ELAPOR2: variants seen among roughly 807,000 people sequenced by gnomAD.
ELAPOR2 encodes the protein endosome-lysosome associated apoptosis and autophagy regulator family member 2.
Under a neutral mutation model 120.7 loss-of-function variants are expected in ELAPOR2, and 89 were observed. The ratio of observed to expected loss-of-function variants is 0.74; its 90% CI spans 0.62 to 0.88. The LOEUF (loss-of-function observed/expected upper bound fraction) is 0.88. Ranked by LOEUF, ELAPOR2 falls within the 40% of genes least tolerant of loss-of-function variation. The probability of loss-of-function intolerance (pLI) is 0.00; values close to 1 mark genes in which losing one functional copy is unlikely to be tolerated. For missense variants in ELAPOR2, 1,134 were observed against 1,251.6 expected, an observed-to-expected ratio of 0.91 and a Z score of 1.42; for synonymous variants, 444 against 444.9, an observed-to-expected ratio of 1.00 and a Z score of 0.03.
At chr7:86,998,698 G>A (rs1793207323) in intron 1 of ELAPOR2, among the ~76,000 whole-genome samples, 1 of 152,148 alleles carries the variant, frequency 6.6e-6, no homozygotes, top group Non-Finnish European at 1.5e-5. Context: ...TCCGAGTTGA[G>A]ACCTATTCAA....
chr7:87,049,425 G>A, intron 1 of ELAPOR2, among the ~76,000 whole-genome samples: 1 of 152,082 alleles, frequency 6.6e-6, no homozygotes, highest in East Asian at 1.9e-4. Context: ...GGAACCACAG[G>A]CTCCCGCCAC....
At chr7:86,901,364 C>G (rs1366921403) in intron 18 of ELAPOR2, among the ~76,000 whole-genome samples, 1 of 152,158 alleles carries the variant, frequency 6.6e-6, no homozygotes, top group East Asian at 1.9e-4. Context: ...GGGATACATT[C>G]TCTGAGAGAT....
At chr7:86,887,249 A>C (rs1799735704) in intron 21 of ELAPOR2, among the ~76,000 whole-genome samples, 1 of 152,136 alleles carries the variant, frequency 6.6e-6, no homozygotes, top group South Asian at 2.1e-4. Context: ...TAGACAAGAC[A>C]GACTGTCACA....
At chr7:86,978,895 G>A (rs1767717) in intron 1 of ELAPOR2, among the ~76,000 whole-genome samples, 54,208 of 151,964 alleles carry the variant, frequency 0.36, 10,663 homozygotes, top group African/African-American at 0.52. Context: ...ATATTTTTTT[G>A]TTTGATCCTT....
intron 4 of ELAPOR2, 121 bp from the exon 5 acceptor site, chr7:86,942,225 A>C: frequency 1.8e-6 from 1 of 544,272 alleles, no homozygotes; most frequent in Non-Finnish European, 3.4e-6. Flanking sequence ...GCCATGAGTA[A>C]TTCTCAATAA....
intron 1 of ELAPOR2, among the ~76,000 whole-genome samples, chr7:87,019,190 GT>G (rs1793963063): frequency 6.6e-6 from 1 of 152,094 alleles, no homozygotes; most frequent in Non-Finnish European, 1.5e-5. Flanking sequence ...TTGAGACACG[GT>G]TTTGCCCTGT....
chr7:86,955,192 C>G (rs2116430159), intron 2 of ELAPOR2, among the ~76,000 whole-genome samples: 1 of 152,174 alleles, frequency 6.6e-6, no homozygotes, highest in South Asian at 2.1e-4. Flanking sequence ...TGAACACCAT[C>G]CTTTTAAGCT....
intron 2 of ELAPOR2, among the ~76,000 whole-genome samples, chr7:86,948,674 T>C (rs1249058879): frequency 6.6e-6 from 1 of 151,908 alleles, no homozygotes; most frequent in Non-Finnish European, 1.5e-5. Context: ...TTCTGCAGAC[T>C]CTGAGAACTG....
At chr7:87,036,377 G>A (rs563471067) in intron 1 of ELAPOR2, among the ~76,000 whole-genome samples, 4 of 152,104 alleles carry the variant, frequency 2.6e-5, no homozygotes, top group Admixed American at 6.6e-5. Context: ...CCAACTACTC[G>A]GGAGGCTGAG....
At chr7:86,969,728 A>G (rs1390882438) in intron 1 of ELAPOR2, among the ~76,000 whole-genome samples, 2 of 152,210 alleles carry the variant, frequency 1.3e-5, no homozygotes, top group Admixed American at 6.6e-5. Context: ...AAAATTTCCA[A>G]TAAAATTCCT....
chr7:86,953,625 GTTA>G (rs562738668), intron 2 of ELAPOR2, among the ~76,000 whole-genome samples: 272 of 152,252 alleles, frequency 1.8e-3, no homozygotes, highest in Middle Eastern at 6.8e-3. Context: ...ATGATAGACA[GTTA>G]TTATTAATAG....
At chr7:86,989,798 T>C (rs2116591882) in intron 1 of ELAPOR2, among the ~76,000 whole-genome samples, 1 of 151,896 alleles carries the variant, frequency 6.6e-6, no homozygotes, top group Admixed American at 6.5e-5. Context: ...TTTTTTATTT[T>C]TATATTTTTT....
chr7:86,999,405 C>A (rs1793237684), intron 1 of ELAPOR2, among the ~76,000 whole-genome samples: 1 of 152,118 alleles, frequency 6.6e-6, no homozygotes, highest in Admixed American at 6.6e-5. Context: ...AATACCCCAT[C>A]AGTAATTTTT....
At chr7:86,889,456 A>G in intron 21 of ELAPOR2, among the ~76,000 whole-genome samples, 1 of 151,226 alleles carries the variant, frequency 6.6e-6, no homozygotes, top group Non-Finnish European at 1.5e-5. Flanking sequence ...ATCAAACCCT[A>G]TAATACTGGT....
At chr7:87,019,840 T>C (rs1019903220) in intron 1 of ELAPOR2, among the ~76,000 whole-genome samples, 4 of 152,196 alleles carry the variant, frequency 2.6e-5, no homozygotes, top group African/African-American at 4.8e-5. Flanking sequence ...GGGATATTCA[T>C]TGCACTTAAT....
chr7:86,926,722 A>C lies in ELAPOR2; in HGVS notation c.1270+14T>G, dbSNP rs748714895. On this transcript the variant is annotated intron_variant, in intron 9 of 21. Transcript: ENST00000450689. ...TTGCTAAAGGCCCAGTTATTGGACC[A>C]ATTGACATCCTACCTTTGGTTCCAT... 6.3e-7 allele frequency: 1 copy of C among 1,598,408 alleles called. No individual in the cohort carries two copies. The highest frequency in any genetic ancestry group is 1.1e-5 in the South Asian group (1 of 88,464).
chr7:86,895,337 T>C (rs1355934845), intron 19 of ELAPOR2, among the ~76,000 whole-genome samples: 1 of 152,100 alleles, frequency 6.6e-6, no homozygotes, highest in African/African-American at 2.4e-5. Flanking sequence ...CAATTTTTTA[T>C]AGTTGCAATG....
chr7:86,914,071 G>A (rs1410498478), intron 13 of ELAPOR2, among the ~76,000 whole-genome samples: 4 of 152,134 alleles, frequency 2.6e-5, no homozygotes, highest in African/African-American at 9.7e-5. Flanking sequence ...GCCATACATT[G>A]CCACCATAGC....
chr7:87,046,808 A>G (rs926918336), intron 1 of ELAPOR2, among the ~76,000 whole-genome samples: 3 of 152,208 alleles, frequency 2.0e-5, no homozygotes, highest in African/African-American at 7.2e-5. Context: ...CTGTGAGTCA[A>G]TTAAACCTCT....
Sources: allele counts gnomAD v4.1 joint callset (sites outside exome capture counted in the v4.1 genomes callset), GRCh38; gene constraint gnomAD v4.1.1; transcripts MANE v1.5; gene names NCBI Gene and HGNC (gene_info 2026-07-23, HGNC 2026-07-21).